LRMDA: variants seen among roughly 807,000 people sequenced by gnomAD.
LRMDA encodes the protein leucine-rich melanocyte differentiation-associated protein.
LRMDA carries 18 observed loss-of-function variants against 29.8 expected under a neutral mutation model. The ratio of observed to expected loss-of-function variants is 0.60; its 90% CI spans 0.42 to 0.90. The LOEUF is 0.90. Among genes scored for constraint, LRMDA ranks in the 40% least tolerant of loss-of-function variants. The pLI is 0.00. For missense variants in LRMDA, 273 were observed against 273.9 expected, an observed-to-expected ratio of 1.00 and a Z score of 0.02; for synonymous variants, 125 against 109.4, an observed-to-expected ratio of 1.14 and a Z score of -0.89.
intron 2 of LRMDA, among the ~76,000 whole-genome samples, chr10:75,752,298 G>A (rs1484289942): frequency 7.3e-6 from 1 of 137,518 alleles, no homozygotes; most frequent in African/African-American, 2.7e-5. Flanking sequence ...TGCAAGCTCC[G>A]CCTCCCAGGC....
intron 6 of LRMDA, among the ~76,000 whole-genome samples, chr10:76,340,376 C>G (rs932812061): frequency 1.3e-5 from 2 of 151,704 alleles, no homozygotes; most frequent in East Asian, 3.9e-4. Context: ...AATAGCTGGG[C>G]ATGGTGATGC....
chr10:75,626,794 C>A (rs2132110078), intron 2 of LRMDA, among the ~76,000 whole-genome samples: 1 of 152,290 alleles, frequency 6.6e-6, no homozygotes, highest in Middle Eastern at 3.4e-3. Flanking sequence ...GGTTGCTGGG[C>A]TATGTTGACT....
intron 2 of LRMDA, among the ~76,000 whole-genome samples, chr10:75,532,809 C>G (rs1265078578): frequency 6.6e-6 from 1 of 152,006 alleles, no homozygotes; most frequent in African/African-American, 2.4e-5. Context: ...TGGGGTGGGA[C>G]TCAGGAATCT....
At chr10:76,305,075 T>A (rs1840535232) in intron 5 of LRMDA, among the ~76,000 whole-genome samples, 1 of 152,196 alleles carries the variant, frequency 6.6e-6, no homozygotes, top group South Asian at 2.1e-4. Flanking sequence ...ACCATCTGGG[T>A]TACAGGTCTT....
chr10:75,506,643 A>G (rs1845171480), intron 2 of LRMDA, among the ~76,000 whole-genome samples: 1 of 152,136 alleles, frequency 6.6e-6, no homozygotes. Context: ...GTGGAGAGAC[A>G]TGGACCATGC....
intron 2 of LRMDA, among the ~76,000 whole-genome samples, chr10:75,506,055 T>A (rs1308837549): frequency 6.6e-6 from 1 of 151,868 alleles, no homozygotes; most frequent in African/African-American, 2.4e-5. Context: ...CCCCTGGGAG[T>A]CGTTTGGAGC....
chr10:75,965,347 G>T (rs1240916745), intron 2 of LRMDA, among the ~76,000 whole-genome samples: 1 of 152,174 alleles, frequency 6.6e-6, no homozygotes, highest in Non-Finnish European at 1.5e-5. Context: ...CTAGGTAGGG[G>T]CAGTGTGGCA....
chr10:76,551,634 C>T (rs1284760669), intron 6 of LRMDA, among the ~76,000 whole-genome samples: 3 of 152,110 alleles, frequency 2.0e-5, no homozygotes, highest in Non-Finnish European at 2.9e-5. Context: ...TTTCAACTTA[C>T]AATAGGTTTA....
chr10:75,708,888 C>A (rs959815940), intron 2 of LRMDA, among the ~76,000 whole-genome samples: 1 of 152,174 alleles, frequency 6.6e-6, no homozygotes, highest in Non-Finnish European at 1.5e-5. Context: ...CATATGGCCT[C>A]ATTTTGAAGA....
rs574863245 is a variant in LRMDA at position 76,509,354 on chromosome 10, G to A, written c.602-47855G>A. ...AGACATGAGTGATGAAGGGTTGGGAGAACAGGCGTGACTCTACCAAAAACA... is the reference window on the plus strand; with the variant it reads ...AGACATGAGTGATGAAGGGTTGGGAAAACAGGCGTGACTCTACCAAAAACA... On this transcript the variant is annotated intron_variant, in intron 6 of 6. Coordinates refer to ENST00000611255, the MANE Select transcript of LRMDA (RefSeq NM_001305581.2). 3.9e-5 allele frequency among the ~76,000 whole-genome samples: 6 copies of A among 152,260 alleles called. No individual in the cohort carries two copies. The East Asian group carries it at 1.2e-3, about 29-fold the overall frequency.
At chr10:76,292,251 C>G (rs1840350816) in intron 5 of LRMDA, among the ~76,000 whole-genome samples, 1 of 152,142 alleles carries the variant, frequency 6.6e-6, no homozygotes, top group Admixed American at 6.5e-5. Flanking sequence ...CACTTAATTT[C>G]CATAGTAATC....
At position 75,863,930 on chromosome 10, in the gene LRMDA, A is replaced by G. The variant is rs371986007; in HGVS notation, c.132-172078A>G. 2.1e-3 allele frequency among the ~76,000 whole-genome samples: 326 copies of G among 152,294 alleles called. 5 individuals carry two copies. Among genetic ancestry groups the G allele is most frequent in the East Asian group, 7.5e-3 (39 of 5,186 alleles). ...AATGTTTTTAAATTTTGGGCCTGCC[A>G]TTAGCTAGCTTCTAAGGATTTGAAG... On this transcript the variant is annotated intron_variant, in intron 2 of 6. Coordinates refer to ENST00000611255, the MANE Select transcript of LRMDA (RefSeq NM_001305581.2).
chr10:76,213,045 G>A (rs1346094629), intron 5 of LRMDA, among the ~76,000 whole-genome samples: 2 of 152,144 alleles, frequency 1.3e-5, no homozygotes, highest in Non-Finnish European at 2.9e-5. Context: ...GTGCTGTTTT[G>A]CATCTCACCC....
At chr10:75,935,272 T>A (rs1226158819) in intron 2 of LRMDA, among the ~76,000 whole-genome samples, 3 of 152,152 alleles carry the variant, frequency 2.0e-5, no homozygotes. Context: ...CATAAATAAA[T>A]TTCAGCAAAT....
chr10:76,397,731 T>C (rs1227889472), intron 6 of LRMDA, among the ~76,000 whole-genome samples: 2 of 152,154 alleles, frequency 1.3e-5, no homozygotes, highest in Non-Finnish European at 2.9e-5. Flanking sequence ...GAAGGCATGC[T>C]CGCCTCAACA....
chr10:75,957,628 G>A (rs1846686332), intron 2 of LRMDA, among the ~76,000 whole-genome samples: 1 of 152,224 alleles, frequency 6.6e-6, no homozygotes, highest in Non-Finnish European at 1.5e-5. Context: ...TACAGGATGA[G>A]TATTGATAAA....
At chr10:76,013,906 TCTC>T (rs1847829303) in intron 2 of LRMDA, among the ~76,000 whole-genome samples, 1 of 151,062 alleles carries the variant, frequency 6.6e-6, no homozygotes, top group Admixed American at 6.6e-5. Flanking sequence ...GCAACTCTAT[TCTC>T]TGGCTGCTTG....
At chr10:76,464,022 C>T (rs1460115991) in intron 6 of LRMDA, among the ~76,000 whole-genome samples, 4 of 150,000 alleles carry the variant, frequency 2.7e-5, no homozygotes, top group African/African-American at 4.9e-5. Flanking sequence ...CCGGTTCAAG[C>T]GATTATCATG....
chr10:75,493,059 T>C (rs948149205), intron 2 of LRMDA, among the ~76,000 whole-genome samples: 2 of 152,186 alleles, frequency 1.3e-5, no homozygotes, highest in African/African-American at 4.8e-5. Context: ...TTGCACTGCA[T>C]TGCAATTATA....
Sources: allele counts gnomAD v4.1 joint callset (sites outside exome capture counted in the v4.1 genomes callset), GRCh38; gene constraint gnomAD v4.1.1; transcripts MANE v1.5; gene names NCBI Gene and HGNC (gene_info 2026-07-23, HGNC 2026-07-21).